The following FARP1 variants were observed in gnomAD, a reference collection of about 807,000 sequenced individuals.
FARP1 encodes FERM, ARH/RhoGEF and pleckstrin domain protein 1, also known as FERM, ARHGEF and pleckstrin domain-containing protein 1.
FARP1 carries 52 observed loss-of-function variants against 128.8 expected under a neutral mutation model. That is an observed-to-expected ratio of 0.40 (90% CI 0.32 to 0.51). The LOEUF (loss-of-function observed/expected upper bound fraction) is 0.51. Among genes scored for constraint, FARP1 ranks in the 20% least tolerant of loss-of-function variants. The pLI is 0.45. For synonymous variants in FARP1, 580 were observed against 551.8 expected (o/e 1.05, Z -0.72); for missense variants, 1,333 against 1,367.9 (o/e 0.97, Z 0.40).
intron 1 of FARP1, among the ~76,000 whole-genome samples, chr13:98,198,612 C>T (rs1879728932): frequency 1.3e-5 from 2 of 151,986 alleles, no homozygotes; most frequent in Admixed American, 1.3e-4. Context: ...CACTGTGGGC[C>T]ATGCCTGTAA....
At chr13:98,319,343 A>G (rs1167465889) in intron 2 of FARP1, among the ~76,000 whole-genome samples, 1 of 152,210 alleles carries the variant, frequency 6.6e-6, no homozygotes, top group Non-Finnish European at 1.5e-5. Flanking sequence ...TTCGTCAGCC[A>G]GGTGCAGTGG....
chr13:98,425,752 T>G (rs148628516), intron 17 of FARP1, among the ~76,000 whole-genome samples: 11 of 152,282 alleles, frequency 7.2e-5, no homozygotes, highest in African/African-American at 2.2e-4. Flanking sequence ...TGAAAGTATA[T>G]CCAAAGAAGT....
At chr13:98,230,431 G>T (rs1374984617) in intron 2 of FARP1, among the ~76,000 whole-genome samples, 3 of 152,156 alleles carry the variant, frequency 2.0e-5, no homozygotes, top group African/African-American at 7.2e-5. Flanking sequence ...AAGCATTGAT[G>T]ATTTAGATTA....
intron 2 of FARP1, among the ~76,000 whole-genome samples, chr13:98,341,506 C>T (rs1821736184): frequency 6.6e-6 from 1 of 152,130 alleles, no homozygotes; most frequent in Non-Finnish European, 1.5e-5. Flanking sequence ...GTGGCGGGCG[C>T]CTGTAATCCC....
chr13:98,429,014 T>C (rs764756193), intron 17 of FARP1, among the ~76,000 whole-genome samples: 4 of 152,262 alleles, frequency 2.6e-5, no homozygotes, highest in Admixed American at 6.5e-5. Flanking sequence ...GTGTTGATAT[T>C]GTACTCTAGT....
At chr13:98,312,872 C>T (rs1316445193) in intron 2 of FARP1, among the ~76,000 whole-genome samples, 2 of 152,148 alleles carry the variant, frequency 1.3e-5, no homozygotes, top group African/African-American at 4.8e-5. Context: ...TACAGTGCGG[C>T]TTCTGACTTT....
At chr13:98,274,807 G>C (rs668583) in intron 2 of FARP1, among the ~76,000 whole-genome samples, 15,513 of 152,148 alleles carry the variant, frequency 0.1, 1,220 homozygotes, top group African/African-American at 0.22. Context: ...TTAAAAGCTG[G>C]TACCAGTATC....
intron 3 of FARP1, among the ~76,000 whole-genome samples, chr13:98,359,870 C>A (rs1256057566): frequency 6.6e-6 from 1 of 152,068 alleles, no homozygotes; most frequent in Non-Finnish European, 1.5e-5. Flanking sequence ...GTGTTCCAAA[C>A]GGGGAAGGTA....
At chr13:98,233,364 G>A (rs550069438) in intron 2 of FARP1, among the ~76,000 whole-genome samples, 1 of 152,136 alleles carries the variant, frequency 6.6e-6, no homozygotes, top group Admixed American at 6.5e-5. Context: ...TCACTGGTGT[G>A]CAGACTGGGA....
intron 6 of FARP1, among the ~76,000 whole-genome samples, chr13:98,379,431 G>C (rs1289706434): frequency 2.0e-5 from 3 of 151,310 alleles, no homozygotes; most frequent in African/African-American, 4.9e-5. Flanking sequence ...AGGAGGCTTT[G>C]AGTCTGGCAG....
intron 6 of FARP1, among the ~76,000 whole-genome samples, chr13:98,378,957 T>A (rs1466551339): frequency 8.8e-4 from 85 of 96,430 alleles, no homozygotes; most frequent in South Asian, 2.8e-3. Context: ...AATATATATA[T>A]AATATATACA....
At chr13:98,274,190 T>A (rs1884523589) in intron 2 of FARP1, among the ~76,000 whole-genome samples, 1 of 152,086 alleles carries the variant, frequency 6.6e-6, no homozygotes, top group Non-Finnish European at 1.5e-5. Flanking sequence ...GTGTGATTGT[T>A]AGAGGAAAAA....
intron 2 of FARP1, among the ~76,000 whole-genome samples, chr13:98,261,379 G>A (rs905975453): frequency 2.0e-5 from 3 of 152,196 alleles, no homozygotes; most frequent in Non-Finnish European, 4.4e-5. Context: ...AAGGACATCC[G>A]GGTGTCCGTT....
At chr13:98,146,969 C>A (rs193202784) in intron 1 of FARP1, among the ~76,000 whole-genome samples, 94 of 152,322 alleles carry the variant, frequency 6.2e-4, no homozygotes, top group African/African-American at 2.2e-3. Context: ...TAGGCTGTTA[C>A]CTCCTTAACC....
intron 2 of FARP1, among the ~76,000 whole-genome samples, chr13:98,247,623 C>T (rs1041243267): frequency 6.6e-6 from 1 of 152,136 alleles, no homozygotes; most frequent in African/African-American, 2.4e-5. Context: ...CTGCTGGGAT[C>T]CAGGGCAGGG....
intron 1 of FARP1, among the ~76,000 whole-genome samples, chr13:98,163,274 C>A (rs1295886436): frequency 2.0e-5 from 3 of 152,026 alleles, no homozygotes; most frequent in Non-Finnish European, 2.9e-5. Flanking sequence ...ATGAAGAGAA[C>A]TGATGGACAC....
chr13:98,435,828 C>T, intron 19 of FARP1, 122 bp downstream of exon 19: 1 of 1,014,194 alleles, frequency 9.9e-7, no homozygotes, highest in Non-Finnish European at 1.6e-6. Flanking sequence ...TTCCATCCAC[C>T]TGGGAGACAA....
intron 1 of FARP1, among the ~76,000 whole-genome samples, chr13:98,181,290 G>A (rs1878491557): frequency 6.6e-6 from 1 of 152,130 alleles, no homozygotes; most frequent in East Asian, 1.9e-4. Context: ...GTTACATCCT[G>A]GCGCTGTGAC....
chr13:98,161,659 G>A (rs572198256), intron 1 of FARP1, among the ~76,000 whole-genome samples: 1 of 152,256 alleles, frequency 6.6e-6, no homozygotes, highest in African/African-American at 2.4e-5. Context: ...TGACTATATT[G>A]TGTGGCGATT....
Sources: allele counts gnomAD v4.1 joint callset (sites outside exome capture counted in the v4.1 genomes callset), GRCh38; gene constraint gnomAD v4.1.1; transcripts MANE v1.5; gene names NCBI Gene and HGNC (gene_info 2026-07-23, HGNC 2026-07-21).